NFRKB: variants seen among roughly 807,000 people sequenced by gnomAD.
NFRKB encodes the protein nuclear factor related to kappaB binding protein, also known as nuclear factor related to kappa-B-binding protein.
A neutral mutation model predicts 135.7 loss-of-function variants in NFRKB; 62 were observed. That is an observed-to-expected ratio of 0.46 (90% CI 0.37 to 0.56). The LOEUF (loss-of-function observed/expected upper bound fraction) is 0.56, where lower values mean the gene tolerates loss of function less well. Ranked by LOEUF, NFRKB falls within the 20% of genes least tolerant of loss-of-function variation. The pLI is 0.00. For synonymous variants in NFRKB, 678 were observed against 635.6 expected (o/e 1.07, Z -1.00); for missense variants, 1,545 against 1,662.0 (o/e 0.93, Z 1.22).
rs1949042886 is a variant in NFRKB at position 129,881,822 on chromosome 11, G to A, written c.1223C>T (p.Ser408Leu). Residue 408 changes from serine to leucine, a missense_variant, in exon 12 of 27, where the codon TCG becomes TTG. Physicochemically the swap from Ser to Leu is moderately radical, Grantham distance 145. This residue lies in a region of NFRKB where 678 missense variants were observed against 646.7 expected (regional missense o/e 1.05). Coordinates refer to ENST00000682444, the MANE Select transcript of NFRKB (RefSeq NM_001143835.2). The stretch of plus-strand genomic sequence containing the variant: ...CCAGCTGTTGAGGGAGCTGGCTGGC[G>A]ATGACTGCCAATCCAAAACTCGCTC... Reference protein sequence around the residue: ...LEERVLDWQSSPASSLNSWFS... With the variant: ...LEERVLDWQSLPASSLNSWFS... 2 of 1,612,012 alleles carry A rather than the reference G, an allele frequency of 1.2e-6. No individual in the cohort carries two copies.
intron 2 of NFRKB, chr11:129,894,027 T>C (rs1039355290): frequency 2.6e-5 from 4 of 152,234 alleles, no homozygotes; most frequent in African/African-American, 7.2e-5. Context: ...TTGATCCGTA[T>C]AATCATGTAA....
At chr11:129,891,607 G>A (rs1045610180) in intron 3 of NFRKB, among the ~76,000 whole-genome samples, 5 of 152,124 alleles carry the variant, frequency 3.3e-5, no homozygotes, top group East Asian at 3.9e-4. Flanking sequence ...AAATTCCACC[G>A]CTAGCCTTAG....
In NFRKB at chr11:129,864,714, C is replaced by T. The variant is rs1229870831; in HGVS notation, c.*11G>A. ...GGCATGGTCTTTCACGGAAGCCATC[C>T]TCTCTCATAATCATTGTTGCTCAGG... is the stretch of plus-strand genomic sequence containing the variant. On this transcript the variant is annotated 3_prime_UTR_variant, in exon 27 of 27. Transcript: ENST00000682444. 1 of 1,614,076 alleles carries T rather than the reference C, an allele frequency of 6.2e-7. No individual in the cohort carries two copies.
chr11:129,878,612 T>C, intron 13 of NFRKB, 69 bp from the exon 14 acceptor site: 3 of 1,259,156 alleles, frequency 2.4e-6, no homozygotes, highest in Non-Finnish European at 2.3e-6. Flanking sequence ...TGCTTTCTCT[T>C]TACTAGCTGT....
chr11:129,869,274 AAC>A (rs1406774087), intron 24 of NFRKB, among the ~76,000 whole-genome samples: 1 of 152,224 alleles, frequency 6.6e-6, no homozygotes, highest in African/African-American at 2.4e-5. Flanking sequence ...TTTCAAAGGA[AAC>A]ACAGTCTGAC....
Position 129,885,465 on chromosome 11 carries a change from C to T in NFRKB, c.610G>A (p.Gly204Ser). ...KVLREVKEEC[G>S]DTALSSDEED... ...TCATCAGATGACAGGGCTGTGTCAC[C>T]ACACTCCTCTTTCACTTCCCTTAAG... Residue 204 changes from glycine to serine, a missense_variant, in exon 6 of 27, where the codon GGT becomes AGT. This residue lies in a region of NFRKB where 678 missense variants were observed against 646.7 expected (regional missense o/e 1.05). Transcript: ENST00000682444. 1 of 1,613,294 alleles carries T rather than the reference C, an allele frequency of 6.2e-7. No homozygotes were observed. Among genetic ancestry groups the T allele is most frequent in the Non-Finnish European group, 8.5e-7 (1 of 1,179,342 alleles).
chr11:129,885,053 G>A (rs1221198788), intron 6 of NFRKB, among the ~76,000 whole-genome samples: 2 of 152,178 alleles, frequency 1.3e-5, no homozygotes, highest in East Asian at 3.9e-4. Flanking sequence ...TCAACAGAGT[G>A]CTGGGGTTGC....
chr11:129,876,420 A>C (rs1332089237), intron 17 of NFRKB, among the ~76,000 whole-genome samples: 1 of 152,210 alleles, frequency 6.6e-6, no homozygotes, highest in Non-Finnish European at 1.5e-5. Flanking sequence ...TCAAAAAGCT[A>C]AGAATCCTCA....
intron 3 of NFRKB, 81 bp from the exon 4 acceptor site, chr11:129,888,876 A>G: frequency 2.0e-6 from 2 of 998,794 alleles, no homozygotes; most frequent in Non-Finnish European, 3.0e-6. Flanking sequence ...AACATTACAT[A>G]ATATACATAA....
rs751306876 is a variant in NFRKB at position 129,869,534 on chromosome 11, T to G, written c.3491A>C (p.Gln1164Pro). ...CACAACCGTGGTGCTGACAGGGACC[T>G]GCCGCACGGTGGGGGCTCCTGTGCT... The part of the protein sequence containing the change: ...SISTGAPTVR[Q>P]VPVSTTVVST... The change falls in exon 24 of 27, where the codon CAG becomes CCG. Residue 1164 changes from glutamine (Q) to proline (P), a missense_variant. Transcript: ENST00000682444. 1.7e-5 allele frequency: 28 copies of G among 1,613,384 alleles called. No individual in the cohort carries two copies. Among genetic ancestry groups the G allele is most frequent in the Non-Finnish European group, 2.4e-5 (28 of 1,179,988 alleles).
intron 22 of NFRKB, 61 bp from the exon 23 acceptor site, chr11:129,873,157 A>C: frequency 7.0e-7 from 1 of 1,419,542 alleles, no homozygotes; most frequent in South Asian, 1.4e-5. Flanking sequence ...CAGCACTCTA[A>C]GCAAGAGTCT....
At chr11:129,866,036 C>T in intron 24 of NFRKB, 53 bp from the exon 25 acceptor site, 1 of 1,437,532 alleles carries the variant, frequency 7.0e-7, no homozygotes, top group South Asian at 1.3e-5. Flanking sequence ...GGAAAACCAG[C>T]AAGTGTCACC....
chr11:129,885,746 C>T (rs1949246652), intron 5 of NFRKB, 137 bp from the exon 6 acceptor site: 7 of 753,440 alleles, frequency 9.3e-6, no homozygotes, highest in South Asian at 7.0e-5. Flanking sequence ...GAAAGATGCA[C>T]ATATATATTA....
intron 9 of NFRKB, 54 bp downstream of exon 9, chr11:129,883,068 C>A: frequency 1.3e-6 from 2 of 1,540,256 alleles, no homozygotes; most frequent in Non-Finnish European, 8.9e-7. Context: ...TATGGGCTCA[C>A]GCAACTTAAC....
rs763426485 is a variant in NFRKB at position 129,874,189 on chromosome 11, T to C, written c.2203A>G (p.Ile735Val). 2.6e-6 allele frequency: 4 copies of C among 1,519,870 alleles called. No homozygotes were observed. The African/African-American group carries it at 4.2e-5, about 16-fold the overall frequency. 94.1% of individuals were successfully genotyped at this position (1,519,870 alleles called of 1,614,324 possible). A position where few individuals can be genotyped will look rare whatever the true frequency, so the allele number is the denominator to read the frequency against. The change falls in exon 21 of 27, where the codon ATC (isoleucine) becomes GTC (valine). Residue 735 changes from isoleucine (I) to valine (V), a missense_variant. Coordinates refer to ENST00000682444, the MANE Select transcript of NFRKB (RefSeq NM_001143835.2). The surrounding 1 kb of genome is among the most constrained non-coding windows in gnomAD (Gnocchi z 4.5). ...ACTGCCGATACAGGTGGAGGGGAGA[T>C]GGGAATGGCGGGCAATGCTGGTGTG... ...PTTPALPAIPISPPPVSAVNK... is the reference protein window; with the variant it reads ...PTTPALPAIPVSPPPVSAVNK...
chr11:129,886,190 T>G (rs1049984496), intron 5 of NFRKB, 127 bp downstream of exon 5: 1 of 1,001,110 alleles, frequency 1.0e-6, no homozygotes, highest in East Asian at 2.4e-5. Context: ...AGCTTAACTG[T>G]GTCACAGATT....
Position 129,865,900 on chromosome 11 carries a change from G to C in NFRKB, c.3615C>G (p.Ile1205Met), listed in dbSNP as rs1172507218. Residue 1205 changes from isoleucine to methionine, a missense_variant, in exon 25 of 27, where the codon ATC becomes ATG. Physicochemically the swap from Ile to Met is conservative, Grantham distance 10. Around this residue, in one of 3 missense-constraint regions of NFRKB, gnomAD observed 753 missense variants for 804.3 expected, o/e 0.94. Transcript: ENST00000682444. ...MKGKSVVTAP[I>M]IKGNLGANLS... is the part of the protein sequence containing the mutation. The stretch of plus-strand genomic sequence containing the variant: ...ACTTGGCTCCAAGGTTGCCTTTGAT[G>C]ATGGGGGCTGTGACCACGCTCTTGC... The C allele has an allele frequency of 1.2e-6, 2 of 1,614,082 alleles. No homozygotes were observed. The highest frequency in any genetic ancestry group is 2.2e-5 in the East Asian group (1 of 44,868).
chr11:129,883,265 G>T, intron 8 of NFRKB, 59 bp from the exon 9 acceptor site: 2 of 1,320,798 alleles, frequency 1.5e-6, no homozygotes, highest in African/African-American at 1.5e-5. Flanking sequence ...AAACTGAGGT[G>T]ACTTTGCCAA....
chr11:129,873,228 C>T (rs577648690), intron 22 of NFRKB, 132 bp from the exon 23 acceptor site: 1 of 695,872 alleles, frequency 1.4e-6, no homozygotes, highest in Admixed American at 3.3e-5. Flanking sequence ...ACTTAAGGCA[C>T]ACCACTCTCT....
Sources: allele counts gnomAD v4.1 joint callset (sites outside exome capture counted in the v4.1 genomes callset), GRCh38; gene constraint gnomAD v4.1.1; regional missense constraint gnomAD v4.1.1; non-coding constraint Gnocchi (gnomAD v3.1); transcripts MANE v1.5; gene names NCBI Gene and HGNC (gene_info 2026-07-23, HGNC 2026-07-21).